The following PTPRD variants were observed in gnomAD, a reference collection of about 807,000 sequenced individuals.
PTPRD encodes protein tyrosine phosphatase receptor type D, also known as receptor-type tyrosine-protein phosphatase delta.
PTPRD carries 34 observed loss-of-function variants against 214.5 expected under a neutral mutation model. The observed-to-expected ratio is 0.16, with a 90% confidence interval of 0.12 to 0.21. The LOEUF (loss-of-function observed/expected upper bound fraction) is 0.21. Among genes scored for constraint, PTPRD ranks in the 10% least tolerant of loss-of-function variants. The pLI, the probability that PTPRD is intolerant of heterozygous loss-of-function variation, is 1.00. For missense variants in PTPRD, 2,545 were observed against 2,398.7 expected, an observed-to-expected ratio of 1.06 and a Z score of -1.27; for synonymous variants, 1,128 against 845.7, an observed-to-expected ratio of 1.33 and a Z score of -5.79.
At chr9:8,958,933 A>G (rs1293359038) in intron 11 of PTPRD, 2 of 151,932 alleles carry the variant, frequency 1.3e-5, no homozygotes, top group Non-Finnish European at 1.5e-5. Flanking sequence ...GAGCCAATGA[A>G]TTTTGTTTTA....
chr9:10,184,873 T>C (rs2099321839), intron 3 of PTPRD, among the ~76,000 whole-genome samples: 1 of 152,202 alleles, frequency 6.6e-6, no homozygotes, highest in African/African-American at 2.4e-5. Flanking sequence ...GGCAGTGAGT[T>C]TTTTTATTCC....
intron 7 of PTPRD, among the ~76,000 whole-genome samples, chr9:9,614,983 G>A (rs2094766476): frequency 6.6e-6 from 1 of 152,132 alleles, no homozygotes; most frequent in African/African-American, 2.4e-5. Flanking sequence ...CTCAGTAGAA[G>A]GCACTGGGGA....
At chr9:8,406,872 G>A (rs1589653041) in intron 35 of PTPRD, among the ~76,000 whole-genome samples, 1 of 152,106 alleles carries the variant, frequency 6.6e-6, no homozygotes, top group Admixed American at 6.6e-5. Flanking sequence ...GGATACATAA[G>A]CTTCTTACAC....
At chr9:9,778,422 G>A (rs374876250) in intron 5 of PTPRD, among the ~76,000 whole-genome samples, 1 of 152,178 alleles carries the variant, frequency 6.6e-6, no homozygotes, top group African/African-American at 2.4e-5. Context: ...GCACAGAAAT[G>A]TTTGTGTGCT....
intron 14 of PTPRD, among the ~76,000 whole-genome samples, chr9:8,604,199 C>G (rs2154280283): frequency 6.6e-6 from 1 of 152,226 alleles, no homozygotes; most frequent in East Asian, 1.9e-4. Context: ...GGAGGGGAGA[C>G]CCATGCATGA....
intron 3 of PTPRD, among the ~76,000 whole-genome samples, chr9:10,058,314 T>A (rs1297197671): frequency 6.6e-6 from 1 of 152,116 alleles, no homozygotes; most frequent in Non-Finnish European, 1.5e-5. Flanking sequence ...ACCCATATGT[T>A]ATAGTTTAAC....
intron 4 of PTPRD, among the ~76,000 whole-genome samples, chr9:9,955,049 G>C (rs2093789020): frequency 6.6e-6 from 1 of 152,134 alleles, no homozygotes; most frequent in Non-Finnish European, 1.5e-5. Context: ...AAATGCTAAA[G>C]AGCTTGCATT....
chr9:10,352,115 T>C (rs563373482), intron 2 of PTPRD, among the ~76,000 whole-genome samples: 33 of 152,158 alleles, frequency 2.2e-4, no homozygotes, highest in African/African-American at 7.7e-4. Flanking sequence ...AAGCAAATCA[T>C]ATTTATCTCA....
At chr9:10,211,902 G>A (rs2099519035) in intron 3 of PTPRD, among the ~76,000 whole-genome samples, 1 of 152,072 alleles carries the variant, frequency 6.6e-6, no homozygotes, top group Non-Finnish European at 1.5e-5. Context: ...TTACCACTAT[G>A]CAATATGCTC....
chr9:9,971,266 A>G (rs1566835360), intron 4 of PTPRD, among the ~76,000 whole-genome samples: 1 of 152,216 alleles, frequency 6.6e-6, no homozygotes. Context: ...AAGCAGCTGA[A>G]CAGGTTGAAA....
At chr9:9,242,778 G>A (rs1569565492) in intron 9 of PTPRD, among the ~76,000 whole-genome samples, 2 of 152,030 alleles carry the variant, frequency 1.3e-5, no homozygotes, top group Non-Finnish European at 2.9e-5. Flanking sequence ...TCTTTCCGAT[G>A]GTTTCAAACT....
At chr9:9,307,180 T>C (rs980291625) in intron 9 of PTPRD, among the ~76,000 whole-genome samples, 2 of 152,202 alleles carry the variant, frequency 1.3e-5, no homozygotes, top group African/African-American at 2.4e-5. Context: ...TGCAAACACA[T>C]GGCAGTTAGC....
chr9:10,015,795 C>T (rs767291286), intron 4 of PTPRD, among the ~76,000 whole-genome samples: 1 of 152,156 alleles, frequency 6.6e-6, no homozygotes, highest in Non-Finnish European at 1.5e-5. Flanking sequence ...ATTTATTTCT[C>T]CTCTGGTAGG....
At chr9:8,771,135 C>G (rs2095174412) in intron 11 of PTPRD, among the ~76,000 whole-genome samples, 1 of 148,782 alleles carries the variant, frequency 6.7e-6, no homozygotes, top group Admixed American at 6.7e-5. Flanking sequence ...GAGCCGAGAT[C>G]ACACCACTGC....
chr9:9,874,453 C>A lies in PTPRD; in HGVS notation c.-368+64054G>T, dbSNP rs115229359. On this transcript the variant is annotated intron_variant, in intron 5 of 45. Coordinates refer to ENST00000381196, the MANE Select transcript of PTPRD (RefSeq NM_002839.4). ...AGGAACAGTCACAACATATGCAACG[C>A]AGAACTGGTGGAAACAGGAAGTTAA... 3.7e-3 allele frequency among the ~76,000 whole-genome samples: 561 copies of A among 152,116 alleles called. 2 individuals are homozygous for A. The highest frequency in any genetic ancestry group is 0.013 in the African/African-American group (535 of 41,500).
intron 12 of PTPRD, among the ~76,000 whole-genome samples, chr9:8,638,963 C>G (rs1047610235): frequency 9.8e-5 from 15 of 152,292 alleles, no homozygotes; most frequent in African/African-American, 3.4e-4. Flanking sequence ...CTGCCTCAGC[C>G]TCCCAAATAG....
intron 8 of PTPRD, among the ~76,000 whole-genome samples, chr9:9,408,703 C>A (rs910882491): frequency 8.6e-5 from 13 of 151,814 alleles, no homozygotes; most frequent in African/African-American, 2.9e-4. Context: ...AAAATCAATA[C>A]TGCCATTTAC....
intron 39 of PTPRD, among the ~76,000 whole-genome samples, chr9:8,369,568 C>T: frequency 6.6e-6 from 1 of 151,068 alleles, no homozygotes; most frequent in Non-Finnish European, 1.5e-5. Context: ...TGGTTTGATT[C>T]TATGATTGTG....
chr9:10,260,005 A>T (rs1405573324), intron 3 of PTPRD, among the ~76,000 whole-genome samples: 1 of 151,792 alleles, frequency 6.6e-6, no homozygotes, highest in Non-Finnish European at 1.5e-5. Context: ...AGTCCACACC[A>T]CTCTCTGCCT....
Sources: allele counts gnomAD v4.1 joint callset (sites outside exome capture counted in the v4.1 genomes callset), GRCh38; gene constraint gnomAD v4.1.1; transcripts MANE v1.5; gene names NCBI Gene and HGNC (gene_info 2026-07-23, HGNC 2026-07-21).